TACR1: variants seen among roughly 807,000 people sequenced by gnomAD.
TACR1 encodes the protein tachykinin receptor 1.
TACR1 carries 25 observed loss-of-function variants against 35.8 expected under a neutral mutation model. The observed-to-expected ratio is 0.70, with a 90% CI of 0.51 to 0.98. The LOEUF (loss-of-function observed/expected upper bound fraction) is 0.98, where lower values mean the gene tolerates loss of function less well. Ranked by LOEUF, TACR1 falls within the 50% of genes least tolerant of loss-of-function variation. TACR1 has a pLI of 0.00. For missense variants in TACR1, 478 were observed against 522.9 expected, an observed-to-expected ratio of 0.91 and a Z score of 0.84; for synonymous variants, 195 against 206.7, an observed-to-expected ratio of 0.94 and a Z score of 0.48.
intron 3 of TACR1, among the ~76,000 whole-genome samples, chr2:75,052,205 C>A (rs79666667): frequency 0.049 from 7,456 of 152,142 alleles, 612 homozygotes; most frequent in African/African-American, 0.17. Flanking sequence ...TCACAGCCCT[C>A]ATCAATTAAA....
intron 1 of TACR1, among the ~76,000 whole-genome samples, chr2:75,146,066 G>T: frequency 6.6e-6 from 1 of 152,132 alleles, no homozygotes; most frequent in Non-Finnish European, 1.5e-5. Flanking sequence ...TAAAGGAGGG[G>T]TGGTATAAGA....
intron 2 of TACR1, among the ~76,000 whole-genome samples, chr2:75,088,114 G>A (rs998942792): frequency 3.9e-5 from 6 of 152,120 alleles, no homozygotes; most frequent in African/African-American, 1.4e-4. Flanking sequence ...TTTCTTTTGA[G>A]TTAAAGACTC....
At chr2:75,078,538 G>A (rs1326619609) in intron 2 of TACR1, among the ~76,000 whole-genome samples, 1 of 151,484 alleles carries the variant, frequency 6.6e-6, no homozygotes, top group African/African-American at 2.4e-5. Flanking sequence ...TTTTTTCTTT[G>A]TATTAAGATA....
chr2:75,056,553 G>A (rs150881063), intron 2 of TACR1, among the ~76,000 whole-genome samples: 8 of 152,286 alleles, frequency 5.3e-5, no homozygotes, highest in African/African-American at 1.9e-4. Context: ...TTGGTGTGGG[G>A]CCATGGCCCT....
At chr2:75,093,038 C>T (rs996221043) in intron 2 of TACR1, among the ~76,000 whole-genome samples, 4 of 152,064 alleles carry the variant, frequency 2.6e-5, no homozygotes, top group East Asian at 1.9e-4. Context: ...ATTAATCATC[C>T]GCCAGTGGGA....
chr2:75,138,919 C>G (rs1674348853), intron 1 of TACR1, among the ~76,000 whole-genome samples: 1 of 152,084 alleles, frequency 6.6e-6, no homozygotes, highest in African/African-American at 2.4e-5. Context: ...TTAACTAAAC[C>G]TACAAATACC....
chr2:75,094,859 A>ATATATATATATATTTTTT, intron 2 of TACR1, among the ~76,000 whole-genome samples: 38 of 113,082 alleles, frequency 3.4e-4, no homozygotes, highest in African/African-American at 1.7e-3. Context: ...ATATATATAT[A>ATATATATATATATTTTTT]TTTTTTTTTT....
At chr2:75,089,690 C>T (rs182812841) in intron 2 of TACR1, among the ~76,000 whole-genome samples, 11 of 152,062 alleles carry the variant, frequency 7.2e-5, no homozygotes, top group East Asian at 3.9e-4. Context: ...TCACATGGTG[C>T]GCTGGTGGCA....
intron 1 of TACR1, among the ~76,000 whole-genome samples, chr2:75,155,709 CAA>C (rs1674833612): frequency 1.3e-5 from 2 of 152,148 alleles, no homozygotes; most frequent in Non-Finnish European, 2.9e-5. Flanking sequence ...ATCCACATAA[CAA>C]GAGAGAGAGT....
Position 75,109,236 on chromosome 2 carries a change from C to T in TACR1, c.584+11338G>A, listed in dbSNP as rs145249389. ...CAGCTCGCGGGCCAATGTGCACTTCCCATTGGCTTGAATATTTGGAGACAT... is the reference window on the plus strand; with the variant it reads ...CAGCTCGCGGGCCAATGTGCACTTCTCATTGGCTTGAATATTTGGAGACAT... On this transcript the variant is annotated intron_variant, in intron 2 of 4. Transcript: ENST00000305249. Among the ~76,000 whole-genome samples, 3 of 152,182 alleles carry T rather than the reference C, an allele frequency of 2.0e-5. No homozygotes were observed. The East Asian group carries it at 5.8e-4, about 29-fold the overall frequency.
intron 2 of TACR1, among the ~76,000 whole-genome samples, chr2:75,084,094 A>T (rs1673144310): frequency 6.6e-6 from 1 of 152,192 alleles, no homozygotes; most frequent in African/African-American, 2.4e-5. Context: ...ATTTTGAGAT[A>T]TGTCCCATCA....
At chr2:75,132,289 T>C (rs1478539244) in intron 1 of TACR1, among the ~76,000 whole-genome samples, 2 of 152,218 alleles carry the variant, frequency 1.3e-5, no homozygotes, top group Non-Finnish European at 2.9e-5. Context: ...TTCTTAGTTT[T>C]ATCTCTTAAA....
At chr2:75,145,004 TAATC>T (rs929263803) in intron 1 of TACR1, among the ~76,000 whole-genome samples, 1 of 152,108 alleles carries the variant, frequency 6.6e-6, no homozygotes, top group African/African-American at 2.4e-5. Flanking sequence ...AGAAATACAA[TAATC>T]AATACATTTG....
intron 2 of TACR1, among the ~76,000 whole-genome samples, chr2:75,085,579 A>G (rs761619744): frequency 7.9e-5 from 12 of 152,202 alleles, no homozygotes; most frequent in Non-Finnish European, 1.5e-4. Context: ...TTAACGGCAA[A>G]TATCATGGAG....
At chr2:75,053,522 C>G in intron 3 of TACR1, 83 bp downstream of exon 3, 1 of 1,417,924 alleles carries the variant, frequency 7.1e-7, no homozygotes, top group Non-Finnish European at 9.3e-7. Flanking sequence ...CTAGCTGCCT[C>G]TGGGGCTCAC....
chr2:75,149,988 A>G (rs6546953), intron 1 of TACR1, among the ~76,000 whole-genome samples: 66,373 of 151,982 alleles, frequency 0.44, 15,278 homozygotes, highest in Non-Finnish European at 0.51. Flanking sequence ...TTCTGCATCT[A>G]TTGAGATAAT....
At chr2:75,189,861 T>C (rs1429064160) in intron 1 of TACR1, 1 of 152,236 alleles carries the variant, frequency 6.6e-6, no homozygotes, top group Non-Finnish European at 1.5e-5. Flanking sequence ...TTAATCAAGT[T>C]TATAAATACT....
At chr2:75,190,887 C>G (rs1412068385) in intron 1 of TACR1, among the ~76,000 whole-genome samples, 1 of 151,988 alleles carries the variant, frequency 6.6e-6, no homozygotes, top group Non-Finnish European at 1.5e-5. Context: ...ACAGGGAATC[C>G]CAAATATTAA....
At chr2:75,128,870 A>G (rs996045177) in intron 1 of TACR1, among the ~76,000 whole-genome samples, 1 of 152,180 alleles carries the variant, frequency 6.6e-6, no homozygotes, top group East Asian at 1.9e-4. Flanking sequence ...CTGTGCTGAC[A>G]TGTATAAGAC....
Sources: gnomAD v4.1 joint callset for allele counts (sites outside exome capture counted in the v4.1 genomes callset) on GRCh38, gnomAD v4.1.1 for gene constraint, MANE v1.5 for transcripts, NCBI Gene and HGNC (gene_info 2026-07-23, HGNC 2026-07-21) for gene names.